Variants in IL15 observed in about 807,000 individuals in gnomAD.
IL15 encodes interleukin-15.
In IL15, 11 loss-of-function variants were observed where a neutral mutation model predicts 19.6. That is an observed-to-expected ratio of 0.56 (90% confidence interval 0.35 to 0.93). IL15 has a LOEUF of 0.93. IL15 is among the 40% of genes least tolerant of loss of function. The pLI, the probability that IL15 is intolerant of heterozygous loss-of-function variation, is 0.01. For missense variants in IL15, 197 were observed against 186.5 expected (o/e 1.06, Z -0.33); for synonymous variants, 58 against 59.6 (o/e 0.97, Z 0.12).
chr4:141,727,355 T>C (rs1307301148), intron 5 of IL15, among the ~76,000 whole-genome samples: 1 of 152,156 alleles, frequency 6.6e-6, no homozygotes, highest in Non-Finnish European at 1.5e-5. Context: ...AAAATGTCTA[T>C]CAATTCTTTT....
chr4:141,640,352 A>G lies in IL15; in HGVS notation c.-222+3604A>G, dbSNP rs770007101. Among the ~76,000 whole-genome samples the G allele has an allele frequency of 2.4e-4, 36 of 152,204 alleles. No homozygotes were observed. In the Middle Eastern group the frequency reaches 0.024, roughly 101 times the overall value. On this transcript the variant is annotated intron_variant, in intron 1 of 7. Coordinates refer to ENST00000320650, the MANE Select transcript of IL15 (RefSeq NM_000585.5). ...TGCAGAGTTTTGCTTGCATTAGGACACAACTAGGTAAGACAGACACTCCAC... is the reference window on the plus strand; with the variant it reads ...TGCAGAGTTTTGCTTGCATTAGGACGCAACTAGGTAAGACAGACACTCCAC...
intron 6 of IL15, among the ~76,000 whole-genome samples, chr4:141,729,061 A>G (rs1730364211): frequency 6.6e-6 from 1 of 152,130 alleles, no homozygotes; most frequent in South Asian, 2.1e-4. Flanking sequence ...ATATGGTGAC[A>G]GTATTTGTCT....
At chr4:141,671,602 T>A (rs1199996751) in intron 2 of IL15, among the ~76,000 whole-genome samples, 1 of 152,230 alleles carries the variant, frequency 6.6e-6, no homozygotes, top group Non-Finnish European at 1.5e-5. Context: ...ATGGCTGTTG[T>A]GTGAGCCGCT....
chr4:141,719,280 G>T, intron 2 of IL15, 86 bp from the exon 3 acceptor site: 1 of 479,806 alleles, frequency 2.1e-6, no homozygotes, highest in Non-Finnish European at 3.7e-6. Context: ...CTTATTAAAA[G>T]GTAGGTGTTC....
At chr4:141,648,644 T>G (rs926815681) in intron 1 of IL15, among the ~76,000 whole-genome samples, 1 of 152,094 alleles carries the variant, frequency 6.6e-6, no homozygotes, top group Admixed American at 6.6e-5. Context: ...AATATCAGAT[T>G]AAAATCTGTA....
intron 2 of IL15, among the ~76,000 whole-genome samples, chr4:141,709,467 T>C (rs1251551477): frequency 6.6e-6 from 1 of 152,140 alleles, no homozygotes; most frequent in Non-Finnish European, 1.5e-5. Flanking sequence ...GTTAAATAGT[T>C]AGGAATTTTA....
chr4:141,671,533 C>T (rs1728175262), intron 2 of IL15, among the ~76,000 whole-genome samples: 1 of 152,114 alleles, frequency 6.6e-6, no homozygotes, highest in African/African-American at 2.4e-5. Context: ...GTGATTTTCT[C>T]CCTGGTCTTG....
At chr4:141,721,029 A>G in intron 4 of IL15, 1 of 677,598 alleles carries the variant, frequency 1.5e-6, no homozygotes, top group Non-Finnish European at 2.5e-6. Context: ...ATATGTTTCC[A>G]TGACTATTAA....
intron 1 of IL15, among the ~76,000 whole-genome samples, chr4:141,649,211 G>C (rs745794874): frequency 4.6e-5 from 7 of 152,124 alleles, no homozygotes; most frequent in African/African-American, 7.2e-5. Context: ...CCTTCTCTGG[G>C]AATATTGTCC....
Position 141,722,330 on chromosome 4 carries a change from G to A in IL15, c.195+322G>A, listed in dbSNP as rs2152190515. Among the ~76,000 whole-genome samples, 3 of 152,230 alleles carry A rather than the reference G, an allele frequency of 2.0e-5. No homozygotes were observed. The Middle Eastern group carries it at 0.01, about 518-fold the overall frequency. ...CTTGACCCAGGGAACAGCTGTTGTTGCTTGTGGACTAAAGGCCCTCTTCTC... is the reference window on the plus strand; with the variant it reads ...CTTGACCCAGGGAACAGCTGTTGTTACTTGTGGACTAAAGGCCCTCTTCTC... On this transcript the variant is annotated intron_variant, in intron 5 of 7. Coordinates refer to ENST00000320650, the MANE Select transcript of IL15 (RefSeq NM_000585.5).
chr4:141,668,622 A>T (rs1042685134), intron 2 of IL15, among the ~76,000 whole-genome samples: 1 of 152,152 alleles, frequency 6.6e-6, no homozygotes, highest in Non-Finnish European at 1.5e-5. Context: ...TCAGTACTGG[A>T]TGAGAATTTA....
At chr4:141,667,813 A>G (rs1728042031) in intron 2 of IL15, among the ~76,000 whole-genome samples, 1 of 152,134 alleles carries the variant, frequency 6.6e-6, no homozygotes, top group Non-Finnish European at 1.5e-5. Flanking sequence ...AATACTTTGA[A>G]AGTTGTCGGA....
At chr4:141,655,451 TA>T (rs1186032704) in intron 1 of IL15, among the ~76,000 whole-genome samples, 1 of 152,126 alleles carries the variant, frequency 6.6e-6, no homozygotes, top group African/African-American at 2.4e-5. Context: ...TAAGTTTTTC[TA>T]AAAAACCTTA....
chr4:141,663,417 A>G (rs924097168), intron 2 of IL15, among the ~76,000 whole-genome samples: 1 of 152,246 alleles, frequency 6.6e-6, no homozygotes. Flanking sequence ...TATGTGACAC[A>G]GAAGCCTTCA....
chr4:141,731,598 T>C (rs1041884919), intron 7 of IL15, among the ~76,000 whole-genome samples: 8 of 152,198 alleles, frequency 5.3e-5, no homozygotes, highest in African/African-American at 1.9e-4. Context: ...CTGGAATGCG[T>C]GGGCAGGACT....
chr4:141,661,659 T>TG (rs1727793666), intron 2 of IL15, among the ~76,000 whole-genome samples: 1 of 152,280 alleles, frequency 6.6e-6, no homozygotes, highest in Non-Finnish European at 1.5e-5. Flanking sequence ...ATACAAAAGT[T>TG]GGCAACACAT....
chr4:141,662,261 TTTACTG>T (rs1727817148), intron 2 of IL15, among the ~76,000 whole-genome samples: 1 of 152,248 alleles, frequency 6.6e-6, no homozygotes, highest in South Asian at 2.1e-4. Flanking sequence ...GACTTTTTCT[TTTACTG>T]TGTATTCTAT....
At chr4:141,718,178 G>A (rs1455661676) in intron 2 of IL15, 1 of 152,092 alleles carries the variant, frequency 6.6e-6, no homozygotes. Flanking sequence ...GCTATAAGAG[G>A]CCAGGAATGA....
chr4:141,649,973 G>A (rs1478295305), intron 1 of IL15, among the ~76,000 whole-genome samples: 2 of 152,088 alleles, frequency 1.3e-5, no homozygotes, highest in East Asian at 3.8e-4. Context: ...TTTGGGAGAC[G>A]ATGAGGATGC....
Sources: allele counts gnomAD v4.1 joint callset (sites outside exome capture counted in the v4.1 genomes callset), GRCh38; gene constraint gnomAD v4.1.1; transcripts MANE v1.5; gene names NCBI Gene and HGNC (gene_info 2026-07-23, HGNC 2026-07-21).